PALM: variants seen among roughly 807,000 people sequenced by gnomAD.
The protein encoded by PALM is paralemmin-1.
PALM carries 18 observed loss-of-function variants against 30.7 expected under a neutral mutation model. The observed-to-expected ratio is 0.59, with a 90% CI of 0.41 to 0.87. The LOEUF (loss-of-function observed/expected upper bound fraction) is 0.87. PALM is among the 40% of genes least tolerant of loss of function. The probability of loss-of-function intolerance (pLI) is 0.00; values close to 1 mark genes in which losing one functional copy is unlikely to be tolerated. For synonymous variants in PALM, 286 were observed against 242.8 expected, an observed-to-expected ratio of 1.18 and a Z score of -1.66; for missense variants, 529 against 555.4, an observed-to-expected ratio of 0.95 and a Z score of 0.48.
chr19:740,203 G>T (rs563243210), intron 7 of PALM, 149 bp from the exon 8 acceptor site: 1 of 730,392 alleles, frequency 1.4e-6, no homozygotes, highest in East Asian at 2.8e-5. Context: ...GGGCCGCGTC[G>T]AGAAGGTGCC....
At chr19:726,944 T>C in intron 2 of PALM, 64 bp from the exon 3 acceptor site, 6 of 861,816 alleles carry the variant, frequency 7.0e-6, no homozygotes, top group Non-Finnish European at 1.0e-5. Flanking sequence ...GAGCCTTGTG[T>C]GGGGGTGGGG....
chr19:713,358 G>A (rs778121239), intron 1 of PALM, among the ~76,000 whole-genome samples: 1 of 152,156 alleles, frequency 6.6e-6, no homozygotes, highest in Non-Finnish European at 1.5e-5. Flanking sequence ...CTGACTCCCC[G>A]TCACACCTTA....
chr19:729,952 C>G (rs901390916), intron 4 of PALM, among the ~76,000 whole-genome samples: 1 of 152,162 alleles, frequency 6.6e-6, no homozygotes, highest in African/African-American at 2.4e-5. Context: ...TCTTTTCACG[C>G]GGCCCTAGTG....
At chr19:731,915 G>T (rs560164075) in intron 5 of PALM, among the ~76,000 whole-genome samples, 105 of 152,086 alleles carry the variant, frequency 6.9e-4, no homozygotes, top group African/African-American at 2.5e-3. Context: ...ACCCAACCTC[G>T]GCCTCCCAAA....
chr19:722,165 G>C (rs7247549), intron 1 of PALM, among the ~76,000 whole-genome samples: 1 of 151,142 alleles, frequency 6.6e-6, no homozygotes, highest in Non-Finnish European at 1.5e-5. Flanking sequence ...TGATCCGCCC[G>C]CCTCGGCCTC....
chr19:713,806 T>A (rs559330265), intron 1 of PALM, among the ~76,000 whole-genome samples: 1 of 152,278 alleles, frequency 6.6e-6, no homozygotes. Context: ...GGTCTCGAAC[T>A]CCTGGCCTCA....
intron 7 of PALM, among the ~76,000 whole-genome samples, chr19:737,597 C>T (rs906321127): frequency 6.6e-6 from 1 of 152,118 alleles, no homozygotes; most frequent in Middle Eastern, 3.4e-3. Context: ...GACGTCTGAG[C>T]AAAGACCCAG....
chr19:734,949 A>G, intron 6 of PALM: 2 of 458,636 alleles, frequency 4.4e-6, no homozygotes, highest in South Asian at 8.9e-5. Context: ...TTAATTATTC[A>G]TAAGGAGAGT....
intron 6 of PALM, 45 bp from the exon 7 acceptor site, chr19:735,974 C>G (rs2033011279): frequency 6.5e-7 from 1 of 1,549,128 alleles, no homozygotes; most frequent in Non-Finnish European, 8.8e-7. Flanking sequence ...CATGTGACCT[C>G]TCCTCTGACC....
intron 7 of PALM, among the ~76,000 whole-genome samples, chr19:738,461 G>A (rs1250075495): frequency 1.3e-5 from 2 of 152,086 alleles, no homozygotes; most frequent in East Asian, 3.9e-4. Context: ...GGGAGGCAGA[G>A]ATTGCAGTGA....
At chr19:722,154 G>T (rs536718372) in intron 1 of PALM, among the ~76,000 whole-genome samples, 1 of 149,894 alleles carries the variant, frequency 6.7e-6, no homozygotes, top group South Asian at 2.1e-4. Flanking sequence ...TCCTGACCTC[G>T]TGATCCGCCC....
chr19:718,668 G>A (rs2032352232), intron 1 of PALM, among the ~76,000 whole-genome samples: 1 of 152,264 alleles, frequency 6.6e-6, no homozygotes, highest in East Asian at 1.9e-4. Flanking sequence ...GGTTCTCGGT[G>A]CCCCAGAGAC....
Position 746,285 on chromosome 19 carries a change from T to C in PALM, c.635T>C (p.Val212Ala). 4 of 1,611,212 alleles carry C rather than the reference T, an allele frequency of 2.5e-6. No individual in the cohort carries two copies. The highest frequency in any genetic ancestry group is 3.4e-6 in the Non-Finnish European group (4 of 1,178,550). Residue 212 changes from valine (V) to alanine (A), a missense_variant and splice_region_variant, in exon 9 of 9, where the codon GTG becomes GCG. Val to Ala is a moderately conservative substitution (Grantham distance 64, BLOSUM62 0). Transcript: ENST00000338448. The surrounding 1 kb of genome is among the most constrained non-coding windows in gnomAD (Gnocchi z 7.1). ...GIKVYEDETKVVHAVDGTAEN... is the reference protein window; with the variant it reads ...GIKVYEDETKAVHAVDGTAEN... ...ATTCTCTCTGTCTCTCCTTGTACAG[T>C]GGTCCATGCTGTGGACGGCACCGCC...
chr19:740,579 AG>A, intron 8 of PALM, 96 bp downstream of exon 8: 1 of 1,162,626 alleles, frequency 8.6e-7, no homozygotes, highest in Admixed American at 2.4e-5. Context: ...CCCCGGAATC[AG>A]GACCCCGATT....
At chr19:745,520 C>T (rs1259983881) in intron 8 of PALM, among the ~76,000 whole-genome samples, 1 of 151,212 alleles carries the variant, frequency 6.6e-6, no homozygotes, top group East Asian at 2.0e-4. Flanking sequence ...ATAGTGAAAC[C>T]CCAGCTCTAT....
At position 726,141 on chromosome 19, in the gene PALM, C is replaced by T. The variant is rs769247606; in HGVS notation, c.9C>T (p.Val3=). The T allele has an allele frequency of 6.2e-7, 1 of 1,613,042 alleles. No individual in the cohort carries two copies. The highest frequency in any genetic ancestry group is 8.5e-7 in the Non-Finnish European group (1 of 1,179,472). ...TGACCTTATCTCCCTCCCGCAGGGT[C>T]CTGGCGGCAGAGACCACGTCCCAGC... ME[V]LAAETTSQQE... Residue 3 remains valine, a synonymous_variant, in exon 2 of 9, where the codon GTC becomes GTT. Transcript: ENST00000338448.
At position 746,808 on chromosome 19, in the gene PALM, C is replaced by T. The variant is rs1241778731; in HGVS notation, c.1158C>T (p.Ile386=). Residue 386 remains isoleucine, a synonymous_variant, in exon 9 of 9, where the codon ATC becomes ATT. Transcript: ENST00000338448. This position sits in a 1 kb window ranked among gnomAD's most constrained non-coding sequence, Gnocchi z 7.1. ...AGCACCGTTGTAAATGCTGCTCCAT[C>T]ATGTGAGCCGGCCCCCGAGACCCCG... ...MKKHRCKCCS[I]M 3.9e-6 allele frequency: 6 copies of T among 1,530,786 alleles called. No individual in the cohort carries two copies. In the African/African-American group the frequency reaches 6.9e-5, roughly 18 times the overall value. The allele number at this position is 1,530,786 out of a possible 1,614,324, so 94.8% of individuals were successfully genotyped here.
chr19:721,917 T>C (rs2032495545), intron 1 of PALM, among the ~76,000 whole-genome samples: 1 of 148,820 alleles, frequency 6.7e-6, no homozygotes, highest in Non-Finnish European at 1.5e-5. Context: ...AAATTTTCAT[T>C]TTTTTAATAT....
chr19:733,670 C>T (rs1201786087), intron 5 of PALM, among the ~76,000 whole-genome samples: 3 of 152,052 alleles, frequency 2.0e-5, no homozygotes, highest in Non-Finnish European at 1.5e-5. Flanking sequence ...GCCGCTGATG[C>T]GGGGGTATGT....
Sources: allele counts gnomAD v4.1 joint callset (sites outside exome capture counted in the v4.1 genomes callset), GRCh38; gene constraint gnomAD v4.1.1; non-coding constraint Gnocchi (gnomAD v3.1); transcripts MANE v1.5; gene names NCBI Gene and HGNC (gene_info 2026-07-23, HGNC 2026-07-21).